Variants in HNF4G observed in about 807,000 individuals in gnomAD.
HNF4G encodes hepatocyte nuclear factor 4-gamma.
Under a neutral mutation model 50.9 loss-of-function variants are expected in HNF4G, and 21 were observed. The observed-to-expected ratio is 0.41, with a 90% confidence interval of 0.29 to 0.59. HNF4G has a LOEUF of 0.59. Among genes scored for constraint, HNF4G ranks in the 20% least tolerant of loss-of-function variants. The probability of loss-of-function intolerance (pLI) is 0.26; values close to 1 mark genes in which losing one functional copy is unlikely to be tolerated. For missense variants in HNF4G, 527 were observed against 559.4 expected, an observed-to-expected ratio of 0.94 and a Z score of 0.58; for synonymous variants, 198 against 185.6, an observed-to-expected ratio of 1.07 and a Z score of -0.54.
intron 4 of HNF4G, among the ~76,000 whole-genome samples, chr8:75,552,604 C>A (rs983459149): frequency 1.3e-5 from 2 of 151,988 alleles, no homozygotes; most frequent in Admixed American, 6.6e-5. Flanking sequence ...ACTGGGTAAA[C>A]GTTATGAAAA....
chr8:75,455,138 T>C lies in HNF4G; in HGVS notation c.-143-34951T>C, dbSNP rs572220613. ...CAAATAACTCATCTTCCAAATTAAG[T>C]ATATCAACTCTCAAAATGATAAAAC... On this transcript the variant is annotated intron_variant, in intron 1 of 10. Coordinates refer to the HNF4G transcript ENST00000354370. Among the ~76,000 whole-genome samples, 30 of 152,294 alleles carry C rather than the reference T, an allele frequency of 2.0e-4. No individual in the cohort carries two copies. The South Asian group carries it at 6.2e-3, about 32-fold the overall frequency.
chr8:75,457,026 A>G (rs1244512698), intron 1 of HNF4G, among the ~76,000 whole-genome samples: 1 of 152,230 alleles, frequency 6.6e-6, no homozygotes, highest in East Asian at 1.9e-4. Context: ...ATAAGGTGTG[A>G]GCACCTGGCC....
intron 3 of HNF4G, among the ~76,000 whole-genome samples, chr8:75,550,606 C>T (rs1354419117): frequency 6.6e-6 from 1 of 152,026 alleles, no homozygotes; most frequent in Admixed American, 6.6e-5. Flanking sequence ...TTTATTCTCT[C>T]TCTGGTAAAC....
At chr8:75,545,245 G>A (rs906547412) in intron 2 of HNF4G, among the ~76,000 whole-genome samples, 62 of 139,100 alleles carry the variant, frequency 4.5e-4, no homozygotes, top group Non-Finnish European at 9.3e-4. Context: ...TTGAATGTGT[G>A]TGTGTGTGTG....
chr8:75,537,553 T>C (rs1806499942), upstream of HNF4G, among the ~76,000 whole-genome samples: 1 of 151,314 alleles, frequency 6.6e-6, no homozygotes, highest in Non-Finnish European at 1.5e-5. Flanking sequence ...GCTAAAAGAC[T>C]TTTTTTTTCC....
At chr8:75,435,968 T>G (rs1202943344) in intron 1 of HNF4G, among the ~76,000 whole-genome samples, 1 of 152,234 alleles carries the variant, frequency 6.6e-6, no homozygotes, top group Non-Finnish European at 1.5e-5. Context: ...TTTTTAGTAA[T>G]TTTTTACTAT....
chr8:75,538,343 C>T (rs920927788), upstream of HNF4G, among the ~76,000 whole-genome samples: 3 of 152,172 alleles, frequency 2.0e-5, no homozygotes, highest in Non-Finnish European at 4.4e-5. Context: ...AAGGATAAAA[C>T]TATGACAGCA....
At chr8:75,490,555 GA>G (rs2130680575) in intron 2 of HNF4G, among the ~76,000 whole-genome samples, 1 of 152,234 alleles carries the variant, frequency 6.6e-6, no homozygotes, top group East Asian at 1.9e-4. Context: ...AGTATTTAAA[GA>G]ACATTTATTT....
At chr8:75,432,255 TA>T (rs1480147657) in intron 1 of HNF4G, among the ~76,000 whole-genome samples, 1 of 147,070 alleles carries the variant, frequency 6.8e-6, no homozygotes, top group African/African-American at 2.5e-5. Context: ...TTAAAAAAAA[TA>T]AAAAAGTAAA....
At position 75,468,838 on chromosome 8, in the gene HNF4G, A is replaced by G. The variant is rs1346193860; in HGVS notation, c.-143-21251A>G. On this transcript the variant is annotated intron_variant, in intron 1 of 10. Transcript: ENST00000354370. ...ATTGCCTCCCTATCATCTAGAAAGC[A>G]AGTTAAGACAAGTAGATTATGATTT... is the stretch of plus-strand genomic sequence containing the variant. 3.3e-5 allele frequency among the ~76,000 whole-genome samples: 5 copies of G among 152,284 alleles called. No homozygotes were observed. In the East Asian group the frequency reaches 9.7e-4, roughly 29 times the overall value.
In HNF4G at chr8:75,564,161, G is replaced by A. The variant is rs1805100; in HGVS notation, c.*65G>A. On this transcript the variant is annotated 3_prime_UTR_variant, in exon 10 of 10. Coordinates refer to ENST00000396423, the MANE Select transcript of HNF4G (RefSeq NM_004133.5). ...AAGTTGTTGATCTTGAAATATCTCA[G>A]GATAGCACTTTTGGCAAACTCTTAG... The A allele has an allele frequency of 0.48, 751,635 of 1,562,848 alleles. 185,180 individuals carry two copies. Among genetic ancestry groups the A allele is most frequent in the African/African-American group, 0.72 (53,613 of 74,038 alleles).
intron 1 of HNF4G, among the ~76,000 whole-genome samples, chr8:75,473,776 C>A (rs1488025527): frequency 6.6e-6 from 1 of 151,758 alleles, no homozygotes; most frequent in Non-Finnish European, 1.5e-5. Context: ...AAAGAGGCAG[C>A]ACAGGGTAGG....
chr8:75,482,843 A>G (rs1284444994), intron 1 of HNF4G, among the ~76,000 whole-genome samples: 5 of 152,242 alleles, frequency 3.3e-5, no homozygotes, highest in Non-Finnish European at 7.3e-5. Flanking sequence ...TGACACAGTC[A>G]TATCTTGATT....
intron 1 of HNF4G, among the ~76,000 whole-genome samples, chr8:75,441,552 C>T (rs1022629961): frequency 1.8e-4 from 27 of 152,238 alleles, no homozygotes; most frequent in Admixed American, 1.6e-3. Flanking sequence ...GCCTTTATAA[C>T]ACATTTTTAA....
chr8:75,474,249 A>G (rs914005990), intron 1 of HNF4G, among the ~76,000 whole-genome samples: 1 of 152,214 alleles, frequency 6.6e-6, no homozygotes, highest in East Asian at 1.9e-4. Flanking sequence ...ACTGACTAGA[A>G]CAGCAGTTTT....
At chr8:75,542,138 A>G (rs1292244463) in intron 1 of HNF4G, among the ~76,000 whole-genome samples, 3 of 151,576 alleles carry the variant, frequency 2.0e-5, no homozygotes, top group African/African-American at 7.3e-5. Flanking sequence ...TTGTCTCTAC[A>G]ATAAAAAAAA....
At chr8:75,530,601 G>C (rs994396364) in intron 2 of HNF4G, among the ~76,000 whole-genome samples, 1 of 151,992 alleles carries the variant, frequency 6.6e-6, no homozygotes, top group Non-Finnish European at 1.5e-5. Context: ...CATTTTCTAA[G>C]ACTAAAATGT....
At chr8:75,453,772 C>T (rs1811647230) in intron 1 of HNF4G, among the ~76,000 whole-genome samples, 2 of 152,092 alleles carry the variant, frequency 1.3e-5, no homozygotes, top group African/African-American at 2.4e-5. Context: ...TATTTCATAT[C>T]TCTGATCCTA....
intron 1 of HNF4G, among the ~76,000 whole-genome samples, chr8:75,449,600 G>A (rs1195633408): frequency 6.8e-6 from 1 of 147,914 alleles, no homozygotes; most frequent in African/African-American, 2.5e-5. Context: ...TCCGCCTCCA[G>A]GGTTCACGCC....
Sources: allele counts gnomAD v4.1 joint callset (sites outside exome capture counted in the v4.1 genomes callset), GRCh38; gene constraint gnomAD v4.1.1; transcripts MANE v1.5; gene names NCBI Gene and HGNC (gene_info 2026-07-23, HGNC 2026-07-21).